The following AARSD1 variants were observed in gnomAD, a reference collection of about 807,000 sequenced individuals.
AARSD1 encodes alanyl-tRNA synthetase domain containing 1.
In AARSD1, 44 loss-of-function variants were observed where a neutral mutation model predicts 48.7. The observed-to-expected ratio is 0.90, with a 90% CI of 0.71 to 1.16. AARSD1 has a LOEUF of 1.16. AARSD1 is among the 50% of genes most tolerant of loss of function. The probability of loss-of-function intolerance (pLI) is 0.00; values close to 1 mark genes in which losing one functional copy is unlikely to be tolerated. For missense variants in AARSD1, 511 were observed against 523.1 expected, an observed-to-expected ratio of 0.98 and a Z score of 0.23; for synonymous variants, 189 against 194.9, an observed-to-expected ratio of 0.97 and a Z score of 0.25.
intron 3 of AARSD1, among the ~76,000 whole-genome samples, chr17:42,960,649 G>A (rs1190368541): frequency 1.3e-5 from 2 of 150,634 alleles, no homozygotes; most frequent in African/African-American, 4.9e-5. Context: ...TTGAACCCGA[G>A]AGGCAGAGGT....
intron 7 of AARSD1, 101 bp from the exon 8 acceptor site, chr17:42,955,325 C>A (rs746601187): frequency 1.2e-4 from 166 of 1,406,448 alleles, no homozygotes; most frequent in Non-Finnish European, 1.6e-4. Context: ...TGCCTCCCTG[C>A]AGTCAGGGAC....
At position 42,961,288 on chromosome 17, in the gene AARSD1, C is replaced by G. The variant is rs138195540; in HGVS notation, c.235G>C (p.Ala79Pro). 3.1e-6 allele frequency: 5 copies of G among 1,614,022 alleles called. No individual in the cohort carries two copies. Among genetic ancestry groups the G allele is most frequent in the Non-Finnish European group, 4.2e-6 (5 of 1,180,008 alleles). ...AGGGGTGTCTGGGTGAAATGATCAG[C>G]CTGTTCCCCACGGCGAGTCACTCTC... ...VLRVTRRGEQADHFTQTPLDP... is the reference protein window; with the variant it reads ...VLRVTRRGEQPDHFTQTPLDP... Residue 79 changes from alanine (A) to proline (P), a missense_variant, in exon 3 of 12, where the codon GCT becomes CCT. Ala to Pro is a conservative substitution (Grantham distance 27). Coordinates refer to ENST00000427569, the MANE Select transcript of AARSD1 (RefSeq NM_001261434.2).
chr17:42,950,938 C>T (rs561920605), intron 11 of AARSD1, among the ~76,000 whole-genome samples: 1 of 152,076 alleles, frequency 6.6e-6, no homozygotes, highest in African/African-American at 2.4e-5. Flanking sequence ...GTGGGTGGAT[C>T]ACCTGAGGTC....
rs186019584 is a variant in AARSD1, at chr17:42,963,918, G to A, written c.171+188C>T. ...TGTTCACCGGTTATCCTTACAGCCTGGAATAATATCTAGCATATGTTATGT... is the reference window on the plus strand; with the variant it reads ...TGTTCACCGGTTATCCTTACAGCCTAGAATAATATCTAGCATATGTTATGT... On this transcript the variant is annotated intron_variant, in intron 2 of 11. Transcript: ENST00000427569. 2.7e-3 allele frequency among the ~76,000 whole-genome samples: 413 copies of A among 152,158 alleles called. 1 individual carries two copies. Among genetic ancestry groups the A allele is most frequent in the African/African-American group, 9.2e-3 (383 of 41,526 alleles).
At chr17:42,954,770 T>C (rs1415000391) in intron 9 of AARSD1, 106 bp downstream of exon 9, 2 of 1,251,238 alleles carry the variant, frequency 1.6e-6, no homozygotes, top group African/African-American at 3.0e-5. Context: ...ACCTTGAGAA[T>C]ACCAGTGAGC....
chr17:42,956,443 A>G lies in AARSD1; in HGVS notation c.507T>C (p.Asn169=), dbSNP rs756599691. ...NEKIRDRLPV[N]VRELSLDDPE... ...GATCATCCAGGCTCAGTTCTCGGAC[A>G]TTCACAGGCAGCCGATCTCTGATTT... Residue 169 remains asparagine (N), a synonymous_variant, in exon 5 of 12, where the codon AAT becomes AAC. Transcript: ENST00000427569. 6 of 1,614,054 alleles carry G rather than the reference A, an allele frequency of 3.7e-6. No individual in the cohort carries two copies. In the Admixed American group the frequency reaches 5.0e-5, roughly 13 times the overall value.
At position 42,961,616 on chromosome 17, in the gene AARSD1, A is replaced by C. The variant is rs137884903; in HGVS notation, c.172-265T>G. Among the ~76,000 whole-genome samples the C allele has an allele frequency of 9.2e-3, 1,394 of 152,316 alleles. 69 individuals are homozygous for C. The highest frequency in any genetic ancestry group is 0.074 in the Admixed American group (1,126 of 15,288). On this transcript the variant is annotated intron_variant, in intron 2 of 11. Transcript: ENST00000427569. Reference sequence around the variant, plus strand: ...ACAAAAATTTTAGTAAAACCCGAAGAATCTTAATCCTCAACTCTCCTTGCC... The same window carrying C: ...ACAAAAATTTTAGTAAAACCCGAAGCATCTTAATCCTCAACTCTCCTTGCC...
intron 3 of AARSD1, among the ~76,000 whole-genome samples, chr17:42,958,144 G>A (rs1306929274): frequency 6.6e-6 from 1 of 152,112 alleles, no homozygotes; most frequent in Non-Finnish European, 1.5e-5. Context: ...GGCTTTACAC[G>A]AAGACCTACA....
At chr17:42,958,974 A>G (rs1232676779) in intron 3 of AARSD1, among the ~76,000 whole-genome samples, 2 of 150,662 alleles carry the variant, frequency 1.3e-5, no homozygotes, top group Non-Finnish European at 3.0e-5. Flanking sequence ...CGAGGCGAGC[A>G]GATCACAAGG....
At chr17:42,955,289 A>G in intron 7 of AARSD1, 65 bp from the exon 8 acceptor site, 1 of 1,597,220 alleles carries the variant, frequency 6.3e-7, no homozygotes, top group Non-Finnish European at 8.5e-7. Context: ...TGGGGACATA[A>G]ATCAATAATT....
chr17:42,952,466 C>T (rs508340), intron 10 of AARSD1, among the ~76,000 whole-genome samples: 149,475 of 152,304 alleles, frequency 0.98, 73,415 homozygotes, highest in Middle Eastern at 1. Context: ...AGATACACAA[C>T]GCTTTACCCA....
In AARSD1 at chr17:42,956,243, C is replaced by T. The variant is rs1285589643; in HGVS notation, c.624G>A (p.Met208Ile). ...GATTGCTCACATGGGTCCCACAGCA[C>T]ATGTTGGAATCAACGCCCTCGATGT... ...VVNIEGVDSN[M>I]CCGTHVSNLS... is the part of the protein sequence containing the mutation. Residue 208 changes from methionine to isoleucine, a missense_variant, in exon 6 of 12, where the codon ATG becomes ATA. Physicochemically the swap from Met to Ile is conservative, Grantham distance 10 (BLOSUM62 1). Coordinates refer to ENST00000427569, the MANE Select transcript of AARSD1 (RefSeq NM_001261434.2). 4 of 1,614,156 alleles carry T rather than the reference C, an allele frequency of 2.5e-6. No homozygotes were observed. The South Asian group carries it at 3.3e-5, about 13-fold the overall frequency.
intron 2 of AARSD1, chr17:42,962,085 A>C (rs1312002616): frequency 6.1e-6 from 1 of 163,348 alleles, no homozygotes; most frequent in African/African-American, 2.4e-5. Flanking sequence ...GCGGATCACA[A>C]GGTCAGGAGA....
At chr17:42,962,695 C>G (rs1449898112) in intron 2 of AARSD1, among the ~76,000 whole-genome samples, 1 of 152,078 alleles carries the variant, frequency 6.6e-6, no homozygotes, top group Non-Finnish European at 1.5e-5. Flanking sequence ...CTCTCAATAC[C>G]AAGTCTACTG....
intron 9 of AARSD1, among the ~76,000 whole-genome samples, chr17:42,954,473 G>C (rs1024343758): frequency 2.0e-5 from 3 of 151,136 alleles, no homozygotes; most frequent in African/African-American, 7.3e-5. Context: ...TCACTCTGTT[G>C]GTCCAGGCCG....
At chr17:42,960,873 AC>A (rs1255160229) in intron 3 of AARSD1, 2 of 251,696 alleles carry the variant, frequency 7.9e-6, no homozygotes, top group Non-Finnish European at 1.5e-5. Context: ...CTAATGAAAG[AC>A]CAGGAGGGAG....
In AARSD1 at chr17:42,956,437, T is replaced by G. The variant is rs147982581; in HGVS notation, c.513A>C (p.Arg171=). ...KIRDRLPVNV[R]ELSLDDPEVE... The stretch of plus-strand genomic sequence containing the variant: ...CCTCAGGATCATCCAGGCTCAGTTC[T>G]CGGACATTCACAGGCAGCCGATCTC... Residue 171 remains arginine (R), a synonymous_variant, in exon 5 of 12, where the codon CGA becomes CGC. Transcript: ENST00000427569. 11,728 of 1,614,042 alleles carry G rather than the reference T, an allele frequency of 7.3e-3. 84 individuals are homozygous for G. Among genetic ancestry groups the G allele is most frequent in the Non-Finnish European group, 6.7e-3 (7,878 of 1,180,000 alleles).
intron 1 of AARSD1, 39 bp downstream of exon 1, chr17:42,964,363 C>T: frequency 1.3e-6 from 2 of 1,563,864 alleles, no homozygotes. Context: ...ACCGCCTTGC[C>T]GGCCCGGCAG....
In AARSD1 at chr17:42,958,093, G is replaced by A. The variant is rs115223939; in HGVS notation, c.332-898C>T. ...CAGATGAGGCTACAGCAGTAGACAAGAGCCACCCAGATACAGCTTGTATGC... is the reference window on the plus strand; with the variant it reads ...CAGATGAGGCTACAGCAGTAGACAAAAGCCACCCAGATACAGCTTGTATGC... On this transcript the variant is annotated intron_variant, in intron 3 of 11. Transcript: ENST00000427569. Among the ~76,000 whole-genome samples the A allele has an allele frequency of 8.2e-3, 1,245 of 152,296 alleles. 17 individuals are homozygous for A. The highest frequency in any genetic ancestry group is 0.028 in the African/African-American group (1,154 of 41,566).
Sources: gnomAD v4.1 joint callset for allele counts (sites outside exome capture counted in the v4.1 genomes callset) on GRCh38, gnomAD v4.1.1 for gene constraint, MANE v1.5 for transcripts, NCBI Gene and HGNC (gene_info 2026-07-23, HGNC 2026-07-21) for gene names.